Variants in SUGCT observed in about 807,000 individuals in gnomAD.
The protein encoded by SUGCT is succinyl-CoA:glutarate CoA-transferase.
SUGCT carries 41 observed loss-of-function variants against 55.0 expected under a neutral mutation model. The ratio of observed to expected loss-of-function variants is 0.74; its 90% CI spans 0.58 to 0.97. The LOEUF (loss-of-function observed/expected upper bound fraction) is 0.97, where lower values mean the gene tolerates loss of function less well. SUGCT is among the 50% of genes least tolerant of loss of function. The pLI, the probability that SUGCT is intolerant of heterozygous loss-of-function variation, is 0.00. For missense variants in SUGCT, 568 were observed against 547.8 expected, an observed-to-expected ratio of 1.04 and a Z score of -0.37; for synonymous variants, 187 against 200.4, an observed-to-expected ratio of 0.93 and a Z score of 0.56.
At chr7:40,203,199 T>C (rs923632387) in intron 6 of SUGCT, among the ~76,000 whole-genome samples, 10 of 152,228 alleles carry the variant, frequency 6.6e-5, no homozygotes, top group African/African-American at 2.4e-4. Context: ...CTGAAGGTTT[T>C]ATTTAGCTTT....
intron 7 of SUGCT, among the ~76,000 whole-genome samples, chr7:40,272,234 A>G (rs1792111885): frequency 7.5e-6 from 1 of 132,816 alleles, no homozygotes; most frequent in Non-Finnish European, 1.5e-5. Context: ...GTGCAGTGGC[A>G]TGATCATAGC....
intron 12 of SUGCT, among the ~76,000 whole-genome samples, chr7:40,626,658 ATT>A (rs113362445): frequency 6.6e-6 from 1 of 152,130 alleles, no homozygotes; most frequent in Admixed American, 6.6e-5. Flanking sequence ...CTAAGTAAAC[ATT>A]TTTACAGACA....
rs1796954007 is a variant in SUGCT, at chr7:40,579,411, G to A, written c.1089+83025G>A. Among the ~76,000 whole-genome samples, 2 of 152,086 alleles carry A rather than the reference G, an allele frequency of 1.3e-5. 1 individual carries two copies. Among genetic ancestry groups the A allele is most frequent in the South Asian group, 4.1e-4 (2 of 4,820 alleles). On this transcript the variant is annotated intron_variant, in intron 12 of 13. Coordinates refer to ENST00000335693, the MANE Select transcript of SUGCT (RefSeq NM_001193313.2). ...ACTTGGGGCCATTGAAAAGCTGGGA[G>A]ACAATGCAGCTTTCACCCCCACACG...
At chr7:40,873,823 A>G in the SUGCT span, among the ~76,000 whole-genome samples, 2 of 152,214 alleles carry the variant, frequency 1.3e-5, no homozygotes, top group Non-Finnish European at 2.9e-5. Context: ...AAGACACATA[A>G]AGTTGATGCA....
intron 11 of SUGCT, among the ~76,000 whole-genome samples, chr7:40,493,273 T>C (rs939982449): frequency 2.0e-5 from 3 of 152,180 alleles, no homozygotes; most frequent in Non-Finnish European, 4.4e-5. Context: ...GATAATACTG[T>C]ATAGTGTGGT....
At chr7:40,951,441 G>A in the SUGCT span, among the ~76,000 whole-genome samples, 6 of 151,956 alleles carry the variant, frequency 3.9e-5, no homozygotes, top group East Asian at 1.2e-3. Flanking sequence ...AGGGTTTTTT[G>A]TGTCTGTCTC....
chr7:40,159,795 C>T (rs1784061272), intron 1 of SUGCT, among the ~76,000 whole-genome samples: 1 of 152,118 alleles, frequency 6.6e-6, no homozygotes, highest in African/African-American at 2.4e-5. Flanking sequence ...GGCTTCTGTG[C>T]CTCAACAATG....
rs186701668 is a variant in SUGCT at position 40,282,398 on chromosome 7, G to A, written c.720+7742G>A. On this transcript the variant is annotated intron_variant, in intron 8 of 13. Transcript: ENST00000335693. ...CACAAGAATCGCTTGAACCCGGGAG[G>A]TGGAGGTTGCAGTGAGCTGAGGTTG... 1.3e-4 allele frequency among the ~76,000 whole-genome samples: 20 copies of A among 152,212 alleles called. No individual in the cohort carries two copies. In the East Asian group the frequency reaches 3.7e-3, roughly 28 times the overall value.
At chr7:40,803,254 C>G (rs140490733) in intron 13 of SUGCT, among the ~76,000 whole-genome samples, 135 of 152,240 alleles carry the variant, frequency 8.9e-4, no homozygotes, top group Middle Eastern at 3.4e-3. Context: ...TGAAAAGTAG[C>G]AACCTTTTAT....
intron 12 of SUGCT, among the ~76,000 whole-genome samples, chr7:40,505,561 A>C (rs1477788015): frequency 6.6e-6 from 1 of 152,124 alleles, no homozygotes; most frequent in Non-Finnish European, 1.5e-5. Context: ...TGTAATATGC[A>C]TCTCAATTTA....
intron 6 of SUGCT, among the ~76,000 whole-genome samples, chr7:40,203,915 C>T: frequency 6.6e-6 from 1 of 152,026 alleles, no homozygotes; most frequent in South Asian, 2.1e-4. Context: ...AATATATTTT[C>T]CTGCTATAAA....
chr7:40,532,977 G>T (rs978185454), intron 12 of SUGCT, among the ~76,000 whole-genome samples: 2 of 152,092 alleles, frequency 1.3e-5, no homozygotes, highest in Admixed American at 1.3e-4. Flanking sequence ...TGTAAAATCT[G>T]TGATAGGCTA....
intron 12 of SUGCT, among the ~76,000 whole-genome samples, chr7:40,730,074 G>GTTGGATTT (rs1786816092): frequency 6.6e-6 from 1 of 152,128 alleles, no homozygotes; most frequent in Non-Finnish European, 1.5e-5. Context: ...GAATGACGTG[G>GTTGGATTT]TTGGATTTGA....
chr7:40,764,257 G>A (rs1206616168), intron 13 of SUGCT, among the ~76,000 whole-genome samples: 1 of 152,146 alleles, frequency 6.6e-6, no homozygotes, highest in Non-Finnish European at 1.5e-5. Context: ...TCACCACTGA[G>A]GAGTTTGTTC....
chr7:40,221,682 G>A (rs1032156190), intron 6 of SUGCT, among the ~76,000 whole-genome samples: 1 of 151,364 alleles, frequency 6.6e-6, no homozygotes, highest in Non-Finnish European at 1.5e-5. Flanking sequence ...GTAGAGATGG[G>A]GTTTCACTAT....
chr7:40,769,725 A>G (rs1384514187), intron 13 of SUGCT, among the ~76,000 whole-genome samples: 1 of 152,220 alleles, frequency 6.6e-6, no homozygotes, highest in Non-Finnish European at 1.5e-5. Context: ...CCAGAGCTCT[A>G]CAGAAACAAA....
intron 7 of SUGCT, among the ~76,000 whole-genome samples, chr7:40,249,352 T>TATA (rs1790196795): frequency 7.3e-6 from 1 of 137,428 alleles, no homozygotes; most frequent in African/African-American, 2.7e-5. Flanking sequence ...TATATAATTA[T>TATA]ATTATATAGA....
At chr7:40,647,413 A>C (rs1325177515) in intron 12 of SUGCT, among the ~76,000 whole-genome samples, 1 of 152,182 alleles carries the variant, frequency 6.6e-6, no homozygotes. Context: ...ACTCCATAGG[A>C]AATTGCTGGT....
chr7:40,643,382 A>G (rs758343576), intron 12 of SUGCT, among the ~76,000 whole-genome samples: 1 of 152,144 alleles, frequency 6.6e-6, no homozygotes, highest in Non-Finnish European at 1.5e-5. Flanking sequence ...ACATTTTTCC[A>G]GTGCAGTAGA....
Sources: allele counts gnomAD v4.1 joint callset (sites outside exome capture counted in the v4.1 genomes callset), GRCh38; gene constraint gnomAD v4.1.1; transcripts MANE v1.5; gene names NCBI Gene and HGNC (gene_info 2026-07-23, HGNC 2026-07-21).